FBXO34: variants seen among roughly 807,000 people sequenced by gnomAD.
FBXO34 encodes the protein F-box only protein 34.
FBXO34 carries 12 observed loss-of-function variants against 24.5 expected under a neutral mutation model. The observed-to-expected ratio is 0.49, with a 90% CI of 0.31 to 0.79. The LOEUF (loss-of-function observed/expected upper bound fraction) is 0.79, where lower values mean the gene tolerates loss of function less well. FBXO34 is among the 30% of genes least tolerant of loss of function. The pLI is 0.04. For missense variants in FBXO34, 823 were observed against 857.7 expected, an observed-to-expected ratio of 0.96 and a Z score of 0.51; for synonymous variants, 320 against 311.9, an observed-to-expected ratio of 1.03 and a Z score of -0.27.
intron 1 of FBXO34, among the ~76,000 whole-genome samples, chr14:55,290,311 C>G (rs556987037): frequency 1.3e-5 from 2 of 151,800 alleles, no homozygotes; most frequent in Non-Finnish European, 2.9e-5. Context: ...AGAATCGTTT[C>G]AACCCGGGAG....
intron 1 of FBXO34, among the ~76,000 whole-genome samples, chr14:55,316,997 A>G (rs1882954112): frequency 6.6e-6 from 1 of 152,168 alleles, no homozygotes; most frequent in Non-Finnish European, 1.5e-5. Context: ...ACTAAGCTTC[A>G]CTGGGGGATG....
chr14:55,349,576 G>GT (rs1297955669), intron 1 of FBXO34, among the ~76,000 whole-genome samples: 1 of 149,632 alleles, frequency 6.7e-6, no homozygotes, highest in East Asian at 2.0e-4. Flanking sequence ...GTATTCAGTG[G>GT]TATGGGAATA....
intron 1 of FBXO34, among the ~76,000 whole-genome samples, chr14:55,276,878 A>G (rs1044184959): frequency 7.9e-5 from 12 of 152,162 alleles, no homozygotes; most frequent in African/African-American, 2.7e-4. Flanking sequence ...AGCTTGCACA[A>G]GTAAAGTCCT....
chr14:55,305,413 C>CAA (rs200938451), intron 1 of FBXO34, among the ~76,000 whole-genome samples: 3 of 84,514 alleles, frequency 3.5e-5, no homozygotes, highest in Non-Finnish European at 2.5e-5. Context: ...GACTGCATCT[C>CAA]AAAAAAAAAA....
downstream of FBXO34, among the ~76,000 whole-genome samples, chr14:55,365,206 A>G (rs1884653094): frequency 6.9e-6 from 1 of 144,020 alleles, no homozygotes; most frequent in South Asian, 2.3e-4. Context: ...GTGAGACTCT[A>G]TCATCTCTTC....
intron 1 of FBXO34, chr14:55,298,649 C>T (rs1391990152): frequency 1.8e-5 from 27 of 1,499,600 alleles, no homozygotes; most frequent in East Asian, 4.8e-5. Flanking sequence ...GAGCGCTGTT[C>T]GGGGCTGGAG....
intron 1 of FBXO34, among the ~76,000 whole-genome samples, chr14:55,297,009 T>C (rs1453732808): frequency 6.6e-6 from 1 of 152,192 alleles, no homozygotes; most frequent in Non-Finnish European, 1.5e-5. Context: ...AATTAGAATC[T>C]ACAATTGTAG....
chr14:55,376,507 G>T, the FBXO34 span, among the ~76,000 whole-genome samples: 1 of 152,162 alleles, frequency 6.6e-6, no homozygotes, highest in Non-Finnish European at 1.5e-5. Context: ...GTTTCCTGGC[G>T]AGTTCACAGC....
chr14:55,354,509 C>G (rs770001617), downstream of FBXO34: 4 of 152,282 alleles, frequency 2.6e-5, no homozygotes, highest in African/African-American at 7.2e-5. Flanking sequence ...AGATCAGCCA[C>G]TCTTGATCTG....
rs1341959207 is a variant in FBXO34, at chr14:55,311,624, A to G, written c.-10-38757A>G. Reference sequence around the variant, plus strand: ...GTGGATCGGATACAGGCATTGGGTAAATGTTCCTGTTCCAAGTGAGAGAAA... The same window carrying G: ...GTGGATCGGATACAGGCATTGGGTAGATGTTCCTGTTCCAAGTGAGAGAAA... On this transcript the variant is annotated intron_variant, in intron 1 of 1. Transcript: ENST00000313833. Among the ~76,000 whole-genome samples the G allele has an allele frequency of 2.0e-5, 3 of 152,172 alleles. No individual in the cohort carries two copies. The East Asian group carries it at 5.8e-4, about 29-fold the overall frequency.
chr14:55,282,432 T>G (rs536250685), intron 1 of FBXO34: 1 of 269,266 alleles, frequency 3.7e-6, no homozygotes, highest in East Asian at 9.1e-5. Context: ...GCTGACATGT[T>G]TTTTTCATTG....
At chr14:55,326,436 T>G (rs1883345694) in intron 1 of FBXO34, among the ~76,000 whole-genome samples, 1 of 152,210 alleles carries the variant, frequency 6.6e-6, no homozygotes, top group African/African-American at 2.4e-5. Flanking sequence ...GTGCCTTTTC[T>G]TAGGTCTTGC....
chr14:55,298,494 C>A, intron 1 of FBXO34: 1 of 593,942 alleles, frequency 1.7e-6, no homozygotes, highest in South Asian at 2.1e-5. Context: ...TCAGTGAGCC[C>A]TTATGTTTGT....
chr14:55,350,751 G>A lies in FBXO34; in HGVS notation c.361G>A (p.Ala121Thr). The stretch of plus-strand genomic sequence containing the variant: ...ACCTGGAAATACCAAGGAAAAAATT[G>A]CATTCTTTGCATCCCACCAGTGTAG... ...VKPGNTKEKI[A>T]FFASHQCSNR... The change falls in exon 2 of 2, where the codon GCA becomes ACA. Residue 121 changes from alanine to threonine, a missense_variant. Around this residue, in one of 2 missense-constraint regions of FBXO34, gnomAD observed 693 missense variants for 659.1 expected, o/e 1.05. Transcript: ENST00000313833. 13 of 1,608,796 alleles carry A rather than the reference G, an allele frequency of 8.1e-6. No individual in the cohort carries two copies. The highest frequency in any genetic ancestry group is 1.1e-5 in the Non-Finnish European group (13 of 1,178,408).
rs571121723 is a variant in FBXO34, at chr14:55,351,565, G to A, written c.1175G>A (p.Gly392Asp). The A allele has an allele frequency of 4.3e-6, 7 of 1,614,164 alleles. No homozygotes were observed. The highest frequency in any genetic ancestry group is 3.3e-5 in the South Asian group (3 of 91,072). The change falls in exon 2 of 2, where the codon GGT becomes GAT. Residue 392 changes from glycine (G) to aspartate (D), a missense_variant. Gly to Asp is a moderately conservative substitution (Grantham distance 94). Around this residue, in one of 2 missense-constraint regions of FBXO34, gnomAD observed 693 missense variants for 659.1 expected, o/e 1.05. Transcript: ENST00000313833. ...FHIDSAELEP[G>D]SQTAVKNSNR... ...ATAGACAGTGCAGAGTTAGAGCCGG[G>A]TTCGCAAACTGCCGTGAAAAACAGC...
At position 55,352,026 on chromosome 14, in the gene FBXO34, G is replaced by C. The variant is rs965469131; in HGVS notation, c.1636G>C (p.Glu546Gln). Residue 546 changes from glutamate to glutamine, a missense_variant, in exon 2 of 2, where the codon GAG (glutamate) becomes CAG (glutamine). Around this residue, in one of 2 missense-constraint regions of FBXO34, gnomAD observed 693 missense variants for 659.1 expected, o/e 1.05. Coordinates refer to ENST00000313833, the MANE Select transcript of FBXO34 (RefSeq NM_017943.4). ...SSVESTLPVL[E>Q]ASSWKKQVSH... is the part of the protein sequence containing the mutation. ...TGTGGAAAGTACATTACCAGTGCTT[G>C]AGGCATCCAGTTGGAAGAAGCAGGT... 1 of 1,614,200 alleles carries C rather than the reference G, an allele frequency of 6.2e-7. No homozygotes were observed. The highest frequency in any genetic ancestry group is 1.3e-5 in the African/African-American group (1 of 75,048).
intron 1 of FBXO34, chr14:55,299,023 A>G: frequency 1.2e-6 from 2 of 1,608,600 alleles, no homozygotes; most frequent in Non-Finnish European, 1.7e-6. Flanking sequence ...GCTGACCAGC[A>G]AGAACTTGGG....
Position 55,351,076 on chromosome 14 carries a change from G to A in FBXO34, c.686G>A (p.Cys229Tyr), listed in dbSNP as rs1884347798. The A allele has an allele frequency of 1.9e-6, 3 of 1,614,090 alleles. No individual in the cohort carries two copies. The highest frequency in any genetic ancestry group is 3.3e-5 in the Admixed American group (2 of 60,010). ...CTGCTAGCTAGCTGTTCAAAAAACT[G>A]CACAAACTCACCTGCAATTGTGAGG... ...SALLASCSKNCTNSPAIVRFS... is the reference protein window; with the variant it reads ...SALLASCSKNYTNSPAIVRFS... Residue 229 changes from cysteine (C) to tyrosine (Y), a missense_variant, in exon 2 of 2, where the codon TGC (cysteine) becomes TAC (tyrosine). By Grantham distance (194) the Cys-to-Tyr change is radical (BLOSUM62 -2). Coordinates refer to ENST00000313833, the MANE Select transcript of FBXO34 (RefSeq NM_017943.4).
the FBXO34 span, among the ~76,000 whole-genome samples, chr14:55,433,036 A>T: frequency 1.3e-5 from 2 of 152,110 alleles, no homozygotes; most frequent in Non-Finnish European, 2.9e-5. Context: ...ACTGTAACTT[A>T]AAAAAAATTC....
Sources: gnomAD v4.1 joint callset for allele counts (sites outside exome capture counted in the v4.1 genomes callset) on GRCh38, gnomAD v4.1.1 for gene constraint, gnomAD v4.1.1 regional missense constraint, MANE v1.5 for transcripts, NCBI Gene and HGNC (gene_info 2026-07-23, HGNC 2026-07-21) for gene names.